ZAN: variants seen among roughly 807,000 people sequenced by gnomAD.
The protein encoded by ZAN is zonadhesin.
A neutral mutation model predicts 286.2 loss-of-function variants in ZAN; 260 were observed. The ratio of observed to expected loss-of-function variants is 0.91; its 90% CI spans 0.82 to 1.01. The LOEUF (loss-of-function observed/expected upper bound fraction) is 1.01, where lower values mean the gene tolerates loss of function less well. ZAN is among the 50% of genes least tolerant of loss of function. ZAN has a pLI of 0.00. For synonymous variants in ZAN, 1,368 were observed against 1,417.5 expected (o/e 0.97, Z 0.79); for missense variants, 3,410 against 3,639.2 (o/e 0.94, Z 1.62).
chr7:100,784,029 C>T (rs1299572549), intron 35 of ZAN, among the ~76,000 whole-genome samples: 2 of 150,808 alleles, frequency 1.3e-5, no homozygotes, highest in African/African-American at 4.9e-5. Context: ...CTTGTATGCT[C>T]TTGCTGTCAA....
At position 100,788,067 on chromosome 7, in the gene ZAN, C is replaced by A. The variant is rs1325003178; in HGVS notation, c.7158C>A (p.Ile2386=). 1.3e-6 allele frequency: 2 copies of A among 1,587,646 alleles called. No homozygotes were observed. ...RNKMDPPRSS[I]FLQEVITTVY... is the part of the protein sequence containing the mutation. Reference sequence around the variant, plus strand: ...AGATGGATCCGCCCAGGAGCTCCATCTTCTTGCAGGAAGTGATTACCACCG... The same window carrying A: ...AGATGGATCCGCCCAGGAGCTCCATATTCTTGCAGGAAGTGATTACCACCG... Residue 2386 remains isoleucine, a synonymous_variant, in exon 38 of 48, where the codon ATC becomes ATA. Transcript: ENST00000613979.
chr7:100,794,157 G>C lies in ZAN; in HGVS notation c.8024G>C (p.Arg2675Pro). The change falls in exon 44 of 48, where the codon CGG becomes CCG. Residue 2675 changes from arginine to proline, a missense_variant. By Grantham distance (103) the Arg-to-Pro change is moderately radical (BLOSUM62 -2). Coordinates refer to ENST00000613979, the MANE Select transcript of ZAN (RefSeq NM_003386.3). ...TTTCTGACTGAGGACTGCTCTCAGC[G>C]GTGCACCTGTGCCAGCTCACGGATC... ...SSFLTEDCSQ[R>P]CTCASSRILL... The C allele has an allele frequency of 6.2e-7, 1 of 1,613,988 alleles. No homozygotes were observed. The highest frequency in any genetic ancestry group is 1.3e-5 in the African/African-American group (1 of 75,046).
Position 100,752,155 on chromosome 7 carries a change from A to G in ZAN, c.2050A>G (p.Ile684Val), listed in dbSNP as rs200740630. ...EPVIPTEKPS[I>V]PTEKPSIPTE... ...TGTCATCCCTACAGAAAAACCCAGC[A>G]TCCCTACAGAAAAACCCAGCATCCC... is the stretch of plus-strand genomic sequence containing the variant. Residue 684 changes from isoleucine to valine, a missense_variant, in exon 14 of 48, where the codon ATC becomes GTC. Ile to Val is a conservative substitution (Grantham distance 29). Coordinates refer to ENST00000613979, the MANE Select transcript of ZAN (RefSeq NM_003386.3). The G allele has an allele frequency of 1.2e-4, 200 of 1,610,368 alleles. No homozygotes were observed. Among genetic ancestry groups the G allele is most frequent in the Middle Eastern group, 3.3e-4 (2 of 6,070 alleles).
chr7:100,779,096 G>A (rs1411349073), intron 34 of ZAN, among the ~76,000 whole-genome samples: 5 of 151,716 alleles, frequency 3.3e-5, no homozygotes, highest in Non-Finnish European at 5.9e-5. Context: ...CCGGCTACTC[G>A]GGAGGCTGAG....
intron 15 of ZAN, among the ~76,000 whole-genome samples, 179 bp from the exon 16 acceptor site, chr7:100,758,023 C>A (rs957881122): frequency 5.4e-5 from 8 of 149,328 alleles, no homozygotes; most frequent in Non-Finnish European, 1.0e-4. Context: ...GGGGTCAAGG[C>A]TGCAGTGAGC....
intron 25 of ZAN, 35 bp downstream of exon 25, chr7:100,767,292 C>CA: frequency 6.3e-7 from 1 of 1,582,724 alleles, no homozygotes; most frequent in East Asian, 2.2e-5. Context: ...GGACCCTGAA[C>CA]ACCCAGCCTG....
chr7:100,787,218 C>T (rs958643128), intron 37 of ZAN, among the ~76,000 whole-genome samples: 13 of 151,074 alleles, frequency 8.6e-5, no homozygotes, highest in African/African-American at 3.2e-4. Flanking sequence ...TTCTTGAGGC[C>T]AGGAGTTCAA....
rs1439468181 is a variant in ZAN, at chr7:100,766,561, T to C, written c.4507T>C (p.Leu1503=). The part of the protein sequence containing the change: ...ERWYKPGCKE[L]CVCESNNRIR... ...GTGGTACAAGCCAGGCTGCAAAGAGTTGTGCGTCTGTGAAAGCAACAACAG... is the reference window on the plus strand; with the variant it reads ...GTGGTACAAGCCAGGCTGCAAAGAGCTGTGCGTCTGTGAAAGCAACAACAG... The change falls in exon 24 of 48, where the codon TTG becomes CTG. Residue 1503 remains leucine, a synonymous_variant. Coordinates refer to ENST00000613979, the MANE Select transcript of ZAN (RefSeq NM_003386.3). 4 of 1,551,402 alleles carry C rather than the reference T, an allele frequency of 2.6e-6. No individual in the cohort carries two copies. The South Asian group carries it at 4.8e-5, about 18-fold the overall frequency.
intron 22 of ZAN, among the ~76,000 whole-genome samples, chr7:100,764,866 G>T (rs943368035): frequency 6.6e-6 from 1 of 151,942 alleles, no homozygotes; most frequent in Non-Finnish European, 1.5e-5. Flanking sequence ...CAGTGAGAGC[G>T]AAACTCTGTC....
In ZAN at chr7:100,779,719, G is replaced by GC. The variant is rs773485833; in HGVS notation, c.6596dup (p.Leu2200ThrfsTer37). 9.6e-6 allele frequency: 15 copies of GC among 1,556,222 alleles called. No individual in the cohort carries two copies. In the African/African-American group the frequency reaches 1.9e-4, roughly 20 times the overall value. ...CCACCTGCCAGAGCCAGGGGCTCAAGCCCCCACTCTGGAGAAACAGCAGCT... is the reference window on the plus strand; with the variant it reads ...CCACCTGCCAGAGCCAGGGGCTCAAGCCCCCCACTCTGGAGAAACAGCAGCT... On this transcript the variant is annotated frameshift_variant, in exon 35 of 48. Coordinates refer to ENST00000613979, the MANE Select transcript of ZAN (RefSeq NM_003386.3). LOFTEE classifies it high-confidence loss of function.
At position 100,752,406 on chromosome 7, in the gene ZAN, C is replaced by T; in HGVS notation, c.2301C>T (p.Thr767=). The T allele has an allele frequency of 6.4e-7, 1 of 1,563,286 alleles. No individual in the cohort carries two copies. The highest frequency in any genetic ancestry group is 2.4e-5 in the East Asian group (1 of 41,958). The change falls in exon 14 of 48, where the codon ACC becomes ACT. Residue 767 remains threonine (T), a synonymous_variant. Transcript: ENST00000613979. Reference sequence around the variant, plus strand: ...CCACCACCCCCACAGAAAAACCCACCATCTCCCCAGAAAAACTCACCATCC... The same window carrying T: ...CCACCACCCCCACAGAAAAACCCACTATCTCCCCAGAAAAACTCACCATCC... The part of the protein sequence containing the change: ...EKPTTPTEKP[T]ISPEKLTIPT...
chr7:100,793,195 C>T (rs1326469445), intron 42 of ZAN, among the ~76,000 whole-genome samples: 1 of 150,554 alleles, frequency 6.6e-6, no homozygotes, highest in Non-Finnish European at 1.5e-5. Flanking sequence ...ACAAATTGGC[C>T]GGGTGTGGTG....
Position 100,787,908 on chromosome 7 carries a change from C to A in ZAN, c.6999C>A (p.Val2333=). Residue 2333 remains valine, a synonymous_variant, in exon 38 of 48, where the codon GTC becomes GTA. Coordinates refer to ENST00000613979, the MANE Select transcript of ZAN (RefSeq NM_003386.3). ...TGGCAGAGTCTGAACAATGCTCAGT[C>A]TATGGCGACCCCCGTTACCTCACAT... ...CVSDKSEQCS[V]YGDPRYLTFD... 1.9e-6 allele frequency: 3 copies of A among 1,545,228 alleles called. No homozygotes were observed. Among genetic ancestry groups the A allele is most frequent in the Non-Finnish European group, 1.8e-6 (2 of 1,133,544 alleles).
Position 100,792,125 on chromosome 7 carries a change from G to A in ZAN, c.7689G>A (p.Thr2563=), listed in dbSNP as rs752567914. ...GCCCCTTTGCTGCCTGTCACCAGAC[G>A]GTGGCCCCAGAGCCCTTCCAAGAGT... is the stretch of plus-strand genomic sequence containing the variant. ...PQGPFAACHQ[T]VAPEPFQEHC... The change falls in exon 41 of 48, where the codon ACG becomes ACA. Residue 2563 remains threonine, a synonymous_variant. Transcript: ENST00000613979. 20 of 1,610,988 alleles carry A rather than the reference G, an allele frequency of 1.2e-5. No homozygotes were observed. Among genetic ancestry groups the A allele is most frequent in the South Asian group, 2.2e-5 (2 of 90,698 alleles).
intron 25 of ZAN, among the ~76,000 whole-genome samples, 168 bp from the exon 26 acceptor site, chr7:100,767,663 G>A (rs1323955732): frequency 6.6e-6 from 1 of 151,162 alleles, no homozygotes; most frequent in Admixed American, 6.6e-5. Flanking sequence ...ACTTTTTGTA[G>A]AGACGGGCTT....
At position 100,767,923 on chromosome 7, in the gene ZAN, C is replaced by A. The variant is rs1287622056; in HGVS notation, c.4953C>A (p.Asn1651Lys). Reference protein sequence around the residue: ...LSSNLVLLYTNFGLQVRYDGS... With the variant: ...LSSNLVLLYTKFGLQVRYDGS... ...GCAACCTCGTCCTCCTCTACACGAA[C>A]TTTGGGCTCCAAGTTCGCTACGACG... Residue 1651 changes from asparagine to lysine, a missense_variant, in exon 26 of 48, where the codon AAC becomes AAA. By Grantham distance (94) the Asn-to-Lys change is moderately conservative (BLOSUM62 0). Coordinates refer to ENST00000613979, the MANE Select transcript of ZAN (RefSeq NM_003386.3). 3.7e-6 allele frequency: 6 copies of A among 1,613,876 alleles called. No individual in the cohort carries two copies. The highest frequency in any genetic ancestry group is 4.2e-6 in the Non-Finnish European group (5 of 1,179,908).
At position 100,786,028 on chromosome 7, in the gene ZAN, C is replaced by T. The variant is rs745306417; in HGVS notation, c.6866C>T (p.Thr2289Met). ...AAGAGCTGGGTCTCCAGCGGTTGCA[C>T]GGAGAAGTGTGTCTGCACGGGAGGA... Reference protein sequence around the residue: ...LGKSWVSSGCTEKCVCTGGAI... With the variant: ...LGKSWVSSGCMEKCVCTGGAI... The change falls in exon 37 of 48, where the codon ACG becomes ATG. Residue 2289 changes from threonine (T) to methionine (M), a missense_variant. Thr to Met is a moderately conservative substitution (Grantham distance 81). Coordinates refer to ENST00000613979, the MANE Select transcript of ZAN (RefSeq NM_003386.3). 7 of 1,613,772 alleles carry T rather than the reference C, an allele frequency of 4.3e-6. No individual in the cohort carries two copies. Among genetic ancestry groups the T allele is most frequent in the South Asian group, 1.1e-5 (1 of 91,090 alleles).
chr7:100,746,257 A>G lies in ZAN; in HGVS notation c.767-281A>G, dbSNP rs57088012. 2.2e-3 allele frequency among the ~76,000 whole-genome samples: 334 copies of G among 151,918 alleles called. 1 individual carries two copies. Among genetic ancestry groups the G allele is most frequent in the African/African-American group, 7.8e-3 (322 of 41,450 alleles). The stretch of plus-strand genomic sequence containing the variant: ...TCTCAAAAACAAAAACAAAACAACA[A>G]CAACAAAGAGTTAGCACCCAAAGGT... On this transcript the variant is annotated intron_variant, in intron 7 of 47. Coordinates refer to ENST00000613979, the MANE Select transcript of ZAN (RefSeq NM_003386.3).
In ZAN at chr7:100,763,729, G is replaced by A. The variant is rs2115998971; in HGVS notation, c.3987-77G>A. 2 of 1,479,630 alleles carry A rather than the reference G, an allele frequency of 1.4e-6. No homozygotes were observed. Among genetic ancestry groups the A allele is most frequent in the South Asian group, 1.1e-5 (1 of 87,544 alleles). The allele number at this position is 1,479,630 out of a possible 1,614,324, so 91.7% of individuals were successfully genotyped here. On this transcript the variant is annotated intron_variant, in intron 20 of 47. Coordinates refer to ENST00000613979, the MANE Select transcript of ZAN (RefSeq NM_003386.3). This position sits in a 1 kb window ranked among gnomAD's most constrained non-coding sequence, Gnocchi z 4.6. Reference sequence around the variant, plus strand: ...CTGGTTTGCCGGTCCCGGCCTGCCAGCCTTGCTGCCTGCTGGGTTAGGGAT... The same window carrying A: ...CTGGTTTGCCGGTCCCGGCCTGCCAACCTTGCTGCCTGCTGGGTTAGGGAT...
Sources: allele counts gnomAD v4.1 joint callset (sites outside exome capture counted in the v4.1 genomes callset), GRCh38; gene constraint gnomAD v4.1.1; non-coding constraint Gnocchi (gnomAD v3.1); transcripts MANE v1.5; gene names NCBI Gene and HGNC (gene_info 2026-07-23, HGNC 2026-07-21).